SEMA3A: variants seen among roughly 807,000 people sequenced by gnomAD.
The protein encoded by SEMA3A is semaphorin 3A.
In SEMA3A, 29 loss-of-function variants were observed where a neutral mutation model predicts 97.9. The ratio of observed to expected loss-of-function variants is 0.30; its 90% CI spans 0.22 to 0.40. SEMA3A has a LOEUF of 0.40. SEMA3A is among the 10% of genes least tolerant of loss of function. The pLI is 1.00. For missense variants in SEMA3A, 763 were observed against 951.3 expected (o/e 0.80, Z 2.60); for synonymous variants, 321 against 323.7 (o/e 0.99, Z 0.09).
intron 1 of SEMA3A, among the ~76,000 whole-genome samples, chr7:84,148,587 C>A (rs1476908398): frequency 1.3e-5 from 2 of 152,158 alleles, no homozygotes; most frequent in Non-Finnish European, 2.9e-5. Flanking sequence ...AAGTCAGATA[C>A]CCTAATGACA....
chr7:83,989,403 G>T lies in SEMA3A; in HGVS notation c.1453-3926C>A, dbSNP rs563863008. ...ACATATGTATACATGTGCCATGCTGGTGCACTGCACCCACTAACTCGTCAT... is the reference window on the plus strand; with the variant it reads ...ACATATGTATACATGTGCCATGCTGTTGCACTGCACCCACTAACTCGTCAT... On this transcript the variant is annotated intron_variant, in intron 12 of 16. Transcript: ENST00000265362. Among the ~76,000 whole-genome samples, 61 of 150,568 alleles carry T rather than the reference G, an allele frequency of 4.1e-4. 1 individual carries two copies. In the East Asian group the frequency reaches 7.7e-3, roughly 19 times the overall value.
At chr7:84,263,765 A>G (rs761778262) in intron 3 of SEMA3A, among the ~76,000 whole-genome samples, 1 of 152,192 alleles carries the variant, frequency 6.6e-6, no homozygotes, top group Non-Finnish European at 1.5e-5. Flanking sequence ...ATATCGTTAC[A>G]GTGCTTAGTA....
In SEMA3A at chr7:84,463,237, C is replaced by CTTTTTTTT. The variant is rs59465422; in HGVS notation, c.-246+29215_-246+29222dup. ...ATTACTTTAGTATTTTGTAACTATT[C>CTTTTTTTT]TTTTTTTTTTTTTTTTTTTTTTTTT... On this transcript the variant is annotated intron_variant, in intron 1 of 3. Coordinates refer to the SEMA3A transcript ENST00000424555. Among the ~76,000 whole-genome samples the CTTTTTTTT allele has an allele frequency of 2.0e-3, 143 of 71,336 alleles. 18 individuals carry two copies. The highest frequency in any genetic ancestry group is 5.1e-3 in the African/African-American group (92 of 17,908). The allele number at this position is 71,336 out of a possible 152,430, so 46.8% of individuals were successfully genotyped here.
intron 2 of SEMA3A, among the ~76,000 whole-genome samples, chr7:84,355,231 A>C (rs1477077565): frequency 4.6e-5 from 7 of 151,876 alleles, no homozygotes; most frequent in Admixed American, 3.9e-4. Flanking sequence ...GTTTTGTAGC[A>C]TACTATGATT....
intron 1 of SEMA3A, among the ~76,000 whole-genome samples, chr7:84,164,274 G>A (rs563557615): frequency 2.0e-5 from 3 of 152,090 alleles, no homozygotes; most frequent in Non-Finnish European, 4.4e-5. Flanking sequence ...ATGCATTGCC[G>A]TGACTTATCC....
intron 2 of SEMA3A, among the ~76,000 whole-genome samples, chr7:84,345,998 A>G (rs920564675): frequency 6.6e-6 from 1 of 152,322 alleles, no homozygotes; most frequent in Non-Finnish European, 1.5e-5. Context: ...TCTGTTGTTT[A>G]GTCTAGTTAC....
intron 1 of SEMA3A, among the ~76,000 whole-genome samples, chr7:84,474,888 C>T (rs866568214): frequency 1.5e-4 from 22 of 150,890 alleles, no homozygotes; most frequent in Admixed American, 3.3e-4. Context: ...GGGATCAGAA[C>T]GCTTTGGAGA....
intron 1 of SEMA3A, among the ~76,000 whole-genome samples, chr7:84,484,052 A>G (rs572264637): frequency 1.5e-3 from 220 of 151,122 alleles, no homozygotes; most frequent in African/African-American, 4.9e-3. Flanking sequence ...CTCAAAAAAA[A>G]GAAAAAAAAA....
chr7:84,046,502 AAAACAAAAC>A, intron 5 of SEMA3A, 59 bp from the exon 6 acceptor site: 1 of 1,593,758 alleles, frequency 6.3e-7, no homozygotes, highest in Non-Finnish European at 8.6e-7. Flanking sequence ...AAAACAAAAC[AAAACAAAAC>A]AAACAAAATG....
chr7:84,424,255 C>T (rs1804679869), intron 1 of SEMA3A, among the ~76,000 whole-genome samples: 1 of 147,772 alleles, frequency 6.8e-6, no homozygotes, highest in Non-Finnish European at 1.5e-5. Flanking sequence ...TACCCACTGA[C>T]CAATGAGTGG....
chr7:84,040,303 G>A (rs1415908900), intron 6 of SEMA3A, among the ~76,000 whole-genome samples: 1 of 150,506 alleles, frequency 6.6e-6, no homozygotes, highest in Non-Finnish European at 1.5e-5. Context: ...GCTTGATCTG[G>A]GTAAAATCCT....
rs1367315983 is a variant in SEMA3A, at chr7:84,143,959, A to T, written c.113-9008T>A. 5.1e-5 allele frequency among the ~76,000 whole-genome samples: 7 copies of T among 136,220 alleles called. No homozygotes were observed. The East Asian group carries it at 9.0e-4, about 17-fold the overall frequency. 89.4% of individuals were successfully genotyped at this position (136,220 alleles called of 152,430 possible). On this transcript the variant is annotated intron_variant, in intron 1 of 16. Coordinates refer to ENST00000265362, the MANE Select transcript of SEMA3A (RefSeq NM_006080.3). The stretch of plus-strand genomic sequence containing the variant: ...CTCTCTCTCTCTCTCTAACACACAC[A>T]CACACACACACACACACACACACAC...
chr7:84,356,475 T>C (rs941426885), intron 2 of SEMA3A, among the ~76,000 whole-genome samples: 1 of 151,506 alleles, frequency 6.6e-6, no homozygotes, highest in Non-Finnish European at 1.5e-5. Flanking sequence ...CAAGTGAAAT[T>C]TACCTACATA....
chr7:84,053,105 C>T (rs1031115139), intron 5 of SEMA3A, among the ~76,000 whole-genome samples: 2 of 142,358 alleles, frequency 1.4e-5, no homozygotes, highest in Non-Finnish European at 3.1e-5. Context: ...TGTTCTTTTA[C>T]ATTTGCTGAG....
At chr7:83,962,422 A>T (rs77399414) in intron 16 of SEMA3A, among the ~76,000 whole-genome samples, 5,531 of 152,198 alleles carry the variant, frequency 0.036, 342 homozygotes, top group African/African-American at 0.13. Context: ...CTCACCTGGT[A>T]ATGCATGAAA....
chr7:84,004,896 G>C (rs1274713038), intron 11 of SEMA3A, among the ~76,000 whole-genome samples: 1 of 151,996 alleles, frequency 6.6e-6, no homozygotes. Flanking sequence ...GAACTGTGTG[G>C]GTCCACTTAT....
At chr7:84,235,062 T>A (rs1799202603) in intron 3 of SEMA3A, among the ~76,000 whole-genome samples, 1 of 152,068 alleles carries the variant, frequency 6.6e-6, no homozygotes, top group South Asian at 2.1e-4. Flanking sequence ...GGGCATTAGG[T>A]AATATATACG....
At chr7:84,309,788 T>G (rs1801268783) in intron 2 of SEMA3A, among the ~76,000 whole-genome samples, 1 of 152,206 alleles carries the variant, frequency 6.6e-6, no homozygotes, top group Admixed American at 6.5e-5. Flanking sequence ...GATGAAGTGT[T>G]TTCTAAATCG....
intron 3 of SEMA3A, among the ~76,000 whole-genome samples, chr7:84,265,146 TAATA>T (rs1799959184): frequency 6.6e-6 from 1 of 152,196 alleles, no homozygotes; most frequent in South Asian, 2.1e-4. Context: ...GAATGAGGAC[TAATA>T]AATGGCAAAG....
Sources: allele counts gnomAD v4.1 joint callset (sites outside exome capture counted in the v4.1 genomes callset), GRCh38; gene constraint gnomAD v4.1.1; transcripts MANE v1.5; gene names NCBI Gene and HGNC (gene_info 2026-07-23, HGNC 2026-07-21).